The following NELFCD variants were observed in gnomAD, a reference collection of about 807,000 sequenced individuals.
The protein encoded by NELFCD is negative elongation factor complex member C/D.
A neutral mutation model predicts 72.9 loss-of-function variants in NELFCD; 48 were observed. The ratio of observed to expected loss-of-function variants is 0.66; its 90% CI spans 0.52 to 0.84. The LOEUF is 0.84. Among genes scored for constraint, NELFCD ranks in the 40% least tolerant of loss-of-function variants. NELFCD has a pLI of 0.00. For synonymous variants in NELFCD, 297 were observed against 280.6 expected, an observed-to-expected ratio of 1.06 and a Z score of -0.59; for missense variants, 538 against 723.8, an observed-to-expected ratio of 0.74 and a Z score of 2.94.
intron 1 of NELFCD, among the ~76,000 whole-genome samples, chr20:58,982,487 G>A (rs1302781909): frequency 1.3e-5 from 2 of 152,184 alleles, no homozygotes; most frequent in African/African-American, 2.4e-5. Context: ...CAACAATCAA[G>A]ATTGGGGATG....
Position 58,989,803 on chromosome 20 carries a change from G to T in NELFCD, c.658-55G>T, listed in dbSNP as rs552944245. The T allele has an allele frequency of 5.9e-5, 95 of 1,612,248 alleles. No homozygotes were observed. In the African/African-American group the frequency reaches 1.0e-3, roughly 17 times the overall value. ...CACGGTGGAGGCTTGGCTCTCGTCC[G>T]CCCGTCTGTGCTACAGTAGTAAACC... On this transcript the variant is annotated intron_variant, in intron 6 of 14. Coordinates refer to ENST00000652272, the MANE Select transcript of NELFCD (RefSeq NM_198976.4).
At chr20:58,991,185 TC>T (rs745665229) in intron 8 of NELFCD, 110 bp downstream of exon 8, 190 of 1,552,058 alleles carry the variant, frequency 1.2e-4, no homozygotes, top group Non-Finnish European at 1.6e-4. Context: ...ATTGTCCTGG[TC>T]CTTCCTCAGT....
chr20:58,986,966 G>A lies in NELFCD; in HGVS notation c.286+103G>A. The stretch of plus-strand genomic sequence containing the variant: ...GATACAATGCCTTCTTTGATTTCCT[G>A]GTTTCTGAGACTTGTGTAAGAAAGA... On this transcript the variant is annotated intron_variant, in intron 3 of 14. Transcript: ENST00000652272. This position sits in a 1 kb window ranked among gnomAD's most constrained non-coding sequence, Gnocchi z 4.4. 1.5e-6 allele frequency: 1 copy of A among 647,740 alleles called. No homozygotes were observed. The highest frequency in any genetic ancestry group is 2.7e-6 in the Non-Finnish European group (1 of 374,668). 40.1% of individuals were successfully genotyped at this position (647,740 alleles called of 1,614,324 possible). A position where few individuals can be genotyped will look rare whatever the true frequency, so the allele number is the denominator to read the frequency against.
At chr20:58,991,219 T>C in intron 8 of NELFCD, 93 bp from the exon 9 acceptor site, 1 of 1,577,426 alleles carries the variant, frequency 6.3e-7, no homozygotes, top group Admixed American at 1.7e-5. Flanking sequence ...CTGGAGCCTG[T>C]TGGGCCCCTG....
Position 58,986,363 on chromosome 20 carries a change from TA to T in NELFCD, c.176+158del, listed in dbSNP as rs373371790. On this transcript the variant is annotated intron_variant, in intron 2 of 14. Coordinates refer to ENST00000652272, the MANE Select transcript of NELFCD (RefSeq NM_198976.4). This position sits in a 1 kb window ranked among gnomAD's most constrained non-coding sequence, Gnocchi z 4.4. ...CCCTCTGCCACTTTTTTTTTTTTTT[TA>T]AATTTTTTTAAGACAGAGTCTTGCT... The T allele has an allele frequency of 3.3e-3, 1,887 of 571,476 alleles. 25 individuals are homozygous for T. Among genetic ancestry groups the T allele is most frequent in the African/African-American group, 0.032 (1,691 of 52,506 alleles). The allele number at this position is 571,476 out of a possible 1,614,324, so 35.4% of individuals were successfully genotyped here.
chr20:58,983,582 C>A (rs1239328397), intron 1 of NELFCD, among the ~76,000 whole-genome samples: 1 of 151,898 alleles, frequency 6.6e-6, no homozygotes, highest in African/African-American at 2.4e-5. Context: ...GGTGCCACCA[C>A]ACCCGGCTAA....
intron 1 of NELFCD, among the ~76,000 whole-genome samples, chr20:58,984,661 A>G (rs1160787637): frequency 2.6e-5 from 4 of 152,238 alleles, no homozygotes; most frequent in Non-Finnish European, 5.9e-5. Context: ...TTTTGGACCT[A>G]AAGAGTTTGG....
Position 58,986,328 on chromosome 20 carries a change from A to AG in NELFCD, c.176+127dup, listed in dbSNP as rs112493941. The stretch of plus-strand genomic sequence containing the variant: ...AACGCGAACTGAACTAAAGGCTTCA[A>AG]GGGGGGGTCCCCTCTGCCACTTTTT... On this transcript the variant is annotated intron_variant, in intron 2 of 14. Transcript: ENST00000652272. The surrounding 1 kb of genome is among the most constrained non-coding windows in gnomAD (Gnocchi z 4.4). 2.0e-3 allele frequency: 1,349 copies of AG among 664,122 alleles called. 13 individuals are homozygous for AG. In the African/African-American group the frequency reaches 0.022, roughly 11 times the overall value. 41.1% of individuals were successfully genotyped at this position (664,122 alleles called of 1,614,324 possible). A position where few individuals can be genotyped will look rare whatever the true frequency, so the allele number is the denominator to read the frequency against.
At chr20:58,992,657 AG>A (rs1386245347) in intron 10 of NELFCD, among the ~76,000 whole-genome samples, 1 of 152,178 alleles carries the variant, frequency 6.6e-6, no homozygotes, top group Non-Finnish European at 1.5e-5. Flanking sequence ...GCAATCTGGG[AG>A]GCCAAGGCAA....
Position 58,993,384 on chromosome 20 carries a change from CCA to C in NELFCD, c.1345-64_1345-63del. The C allele has an allele frequency of 6.7e-7, 1 of 1,489,952 alleles. No homozygotes were observed. The highest frequency in any genetic ancestry group is 1.2e-5 in the South Asian group (1 of 85,686). 92.3% of individuals were successfully genotyped at this position (1,489,952 alleles called of 1,614,324 possible). On this transcript the variant is annotated intron_variant, in intron 11 of 14. Transcript: ENST00000652272. This position sits in a 1 kb window ranked among gnomAD's most constrained non-coding sequence, Gnocchi z 5.0. Reference sequence around the variant, plus strand: ...AGCTCTTTGGTGGCTGTGACAGTGCCCAGTTTCTCTGTGTGCTGAGCGTGACC... The same window carrying C: ...AGCTCTTTGGTGGCTGTGACAGTGCCGTTTCTCTGTGTGCTGAGCGTGACC...
chr20:58,989,902 C>T lies in NELFCD; in HGVS notation c.702C>T (p.Ala234=), dbSNP rs2091802394. ...AGCACACGTACCTGTTTGCCCAGGCCATGATGTCCGTGCTGGCCCAGGAGG... is the reference window on the plus strand; with the variant it reads ...AGCACACGTACCTGTTTGCCCAGGCTATGATGTCCGTGCTGGCCCAGGAGG... ...HGEHTYLFAQ[A]MMSVLAQEEQ... Residue 234 remains alanine (A), a synonymous_variant, in exon 7 of 15, where the codon GCC becomes GCT. Transcript: ENST00000652272. 1.2e-6 allele frequency: 2 copies of T among 1,614,070 alleles called. No homozygotes were observed. The highest frequency in any genetic ancestry group is 1.3e-5 in the African/African-American group (1 of 74,934).
Position 58,991,934 on chromosome 20 carries a change from C to T in NELFCD, c.1143C>T (p.Val381=), listed in dbSNP as rs138968784. 26 of 1,614,050 alleles carry T rather than the reference C, an allele frequency of 1.6e-5. No individual in the cohort carries two copies. The highest frequency in any genetic ancestry group is 9.9e-5 in the South Asian group (9 of 91,076). Residue 381 remains valine (V), a synonymous_variant, in exon 10 of 15, where the codon GTC becomes GTT. Transcript: ENST00000652272. ...KDELKSTSKA[V]ETVHNLCCNE... is the part of the protein sequence containing the mutation. The stretch of plus-strand genomic sequence containing the variant: ...AGCTGAAGTCAACGTCAAAAGCTGT[C>T]GAAACCGTTCACAATTTGTGTTGCA...
rs1299394612 is a variant in NELFCD, at chr20:58,994,893, CA to C, written c.*220del. The C allele has an allele frequency of 2.9e-5, 16 of 556,056 alleles. No individual in the cohort carries two copies. The highest frequency in any genetic ancestry group is 2.9e-4 in the African/African-American group (15 of 52,500). 34.4% of individuals were successfully genotyped at this position (556,056 alleles called of 1,614,324 possible). ...TCTGCTGTCAATCCAATACTGCTCC[CA>C]AATCCTGTTTTCAGTGTTCATTTCC... On this transcript the variant is annotated 3_prime_UTR_variant, in exon 15 of 15. Coordinates refer to ENST00000652272, the MANE Select transcript of NELFCD (RefSeq NM_198976.4).
chr20:58,990,188 G>A (rs2091805515), intron 7 of NELFCD, 200 bp downstream of exon 7: 3 of 610,320 alleles, frequency 4.9e-6, no homozygotes, highest in African/African-American at 1.9e-5. Context: ...CCTAAGGTCA[G>A]GAGTTTGAGA....
At chr20:58,994,528 C>G in intron 14 of NELFCD, 114 bp from the exon 15 acceptor site, 1 of 897,952 alleles carries the variant, frequency 1.1e-6, no homozygotes, top group Non-Finnish European at 1.8e-6. Flanking sequence ...CGCCATTGCA[C>G]TCTATCCTGG....
rs2146350121 is a variant in NELFCD at position 58,986,673 on chromosome 20, G to T, written c.177-81G>T. Reference sequence around the variant, plus strand: ...CGCTGCTTTAAAAATTTTGAAACCTGATTCTCTTCCTCCTTCCTTACCTTC... The same window carrying T: ...CGCTGCTTTAAAAATTTTGAAACCTTATTCTCTTCCTCCTTCCTTACCTTC... On this transcript the variant is annotated intron_variant, in intron 2 of 14. Transcript: ENST00000652272. This position sits in a 1 kb window ranked among gnomAD's most constrained non-coding sequence, Gnocchi z 4.4. The T allele has an allele frequency of 9.8e-7, 1 of 1,021,960 alleles. No individual in the cohort carries two copies. The highest frequency in any genetic ancestry group is 1.3e-5 in the South Asian group (1 of 78,938). 63.3% of individuals were successfully genotyped at this position (1,021,960 alleles called of 1,614,324 possible).
In NELFCD at chr20:58,993,842, T is replaced by A. The variant is rs2091836573; in HGVS notation, c.1581+78T>A. On this transcript the variant is annotated intron_variant, in intron 13 of 14. Coordinates refer to ENST00000652272, the MANE Select transcript of NELFCD (RefSeq NM_198976.4). This position sits in a 1 kb window ranked among gnomAD's most constrained non-coding sequence, Gnocchi z 5.0. ...CCTTTTTGGCTTAATTTAGTTCATT[T>A]TGTACCTAACTGAGAACTGTGCTTT... 6.7e-7 allele frequency: 1 copy of A among 1,490,916 alleles called. No individual in the cohort carries two copies. The highest frequency in any genetic ancestry group is 1.4e-5 in the African/African-American group (1 of 72,662). 92.4% of individuals were successfully genotyped at this position (1,490,916 alleles called of 1,614,324 possible).
Position 58,981,337 on chromosome 20 carries a change from G to T in NELFCD, c.28G>T (p.Ala10Ser). Residue 10 changes from alanine (A) to serine (S), a missense_variant, in exon 1 of 15, where the codon GCC (alanine) becomes TCC (serine). Ala to Ser is a moderately conservative substitution (Grantham distance 99). This residue lies in a region of NELFCD where 47 missense variants were observed against 35.3 expected (regional missense o/e 1.33). Transcript: ENST00000652272. ...GGACGAGGACTACTACGGGAGCGCG[G>T]CCGAGTGGGGCGACGAGGCTGACGG... MDEDYYGSA[A>S]EWGDEADGGQ... 9.0e-7 allele frequency: 1 copy of T among 1,108,782 alleles called. No homozygotes were observed. The allele number at this position is 1,108,782 out of a possible 1,614,324, so 68.7% of individuals were successfully genotyped here.
chr20:58,988,904 G>A lies in NELFCD; in HGVS notation c.397-10G>A, dbSNP rs1194075170. 1.2e-6 allele frequency: 2 copies of A among 1,607,000 alleles called. No individual in the cohort carries two copies. The highest frequency in any genetic ancestry group is 2.7e-5 in the African/African-American group (2 of 74,886). ...TCCTCCTATCTTGCTGTTTGTGTGT[G>A]TGTTGGCAGACCCCAGCGTGGCTGG... is the stretch of plus-strand genomic sequence containing the variant. On this transcript the variant is annotated splice_polypyrimidine_tract_variant and intron_variant, in intron 4 of 14. Transcript: ENST00000652272.
Sources: allele counts gnomAD v4.1 joint callset (sites outside exome capture counted in the v4.1 genomes callset), GRCh38; gene constraint gnomAD v4.1.1; regional missense constraint gnomAD v4.1.1; non-coding constraint Gnocchi (gnomAD v3.1); transcripts MANE v1.5; gene names NCBI Gene and HGNC (gene_info 2026-07-23, HGNC 2026-07-21).